PLA2G4A: variants seen among roughly 807,000 people sequenced by gnomAD.
The protein encoded by PLA2G4A is phospholipase A2 group IVA.
In PLA2G4A, 40 loss-of-function variants were observed where a neutral mutation model predicts 81.9. The observed-to-expected ratio is 0.49, with a 90% CI of 0.38 to 0.64. PLA2G4A has a LOEUF of 0.64. Ranked by LOEUF, PLA2G4A falls within the 30% of genes least tolerant of loss-of-function variation. The pLI, the probability that PLA2G4A is intolerant of heterozygous loss-of-function variation, is 0.00. For missense variants in PLA2G4A, 715 were observed against 905.1 expected (o/e 0.79, Z 2.69); for synonymous variants, 302 against 296.9 (o/e 1.02, Z -0.18).
At chr1:186,943,735 A>C (rs1656239459) in intron 10 of PLA2G4A, among the ~76,000 whole-genome samples, 1 of 152,202 alleles carries the variant, frequency 6.6e-6, no homozygotes, top group African/African-American at 2.4e-5. Context: ...TAAAAAAAAC[A>C]ACTAGTCTAG....
chr1:186,904,247 A>G (rs1443878328), intron 5 of PLA2G4A, among the ~76,000 whole-genome samples: 1 of 152,210 alleles, frequency 6.6e-6, no homozygotes, highest in Non-Finnish European at 1.5e-5. Context: ...AAAAAGGTGG[A>G]GTTCTAATTA....
chr1:186,944,733 A>G (rs1022121122), intron 10 of PLA2G4A, among the ~76,000 whole-genome samples: 1 of 152,146 alleles, frequency 6.6e-6, no homozygotes, highest in Admixed American at 6.6e-5. Flanking sequence ...CTTTGGTGAC[A>G]TGTGTTTTAG....
At chr1:186,962,486 T>TTTTTTTTA (rs1553221218) in intron 14 of PLA2G4A, among the ~76,000 whole-genome samples, 4 of 136,674 alleles carry the variant, frequency 2.9e-5, no homozygotes, top group Non-Finnish European at 6.1e-5. Context: ...AGTTATTTTA[T>TTTTTTTTA]TTTATTTATT....
chr1:186,913,762 G>A (rs1655045776), intron 7 of PLA2G4A, among the ~76,000 whole-genome samples: 2 of 152,052 alleles, frequency 1.3e-5, no homozygotes, highest in Admixed American at 1.3e-4. Context: ...TAATTTCTTG[G>A]AATTCATTCT....
At chr1:186,851,548 C>A (rs2102022942) in intron 1 of PLA2G4A, among the ~76,000 whole-genome samples, 1 of 152,010 alleles carries the variant, frequency 6.6e-6, no homozygotes, top group South Asian at 2.1e-4. Flanking sequence ...ATTTAGTTGG[C>A]ACGAAAACAT....
intron 10 of PLA2G4A, among the ~76,000 whole-genome samples, chr1:186,942,373 T>C (rs1656185403): frequency 6.6e-6 from 1 of 152,086 alleles, no homozygotes; most frequent in South Asian, 2.1e-4. Context: ...AATTACATGG[T>C]CAAAAGAACA....
At chr1:186,929,404 A>G (rs1333287374) in intron 7 of PLA2G4A, among the ~76,000 whole-genome samples, 1 of 152,210 alleles carries the variant, frequency 6.6e-6, no homozygotes, top group Non-Finnish European at 1.5e-5. Context: ...CTAATTTCCC[A>G]TTCTTTTTTA....
At chr1:186,948,818 ATG>A (rs1656432672) in intron 12 of PLA2G4A, among the ~76,000 whole-genome samples, 1 of 152,128 alleles carries the variant, frequency 6.6e-6, no homozygotes, top group African/African-American at 2.4e-5. Flanking sequence ...AATATCGTGT[ATG>A]TGTGATCCGC....
At chr1:186,979,837 G>A (rs532235785) in intron 17 of PLA2G4A, among the ~76,000 whole-genome samples, 1 of 150,714 alleles carries the variant, frequency 6.6e-6, no homozygotes, top group Admixed American at 6.6e-5. Flanking sequence ...CAGAAGTGTA[G>A]TTAATCTGCA....
At chr1:186,897,002 G>A (rs969392582) in intron 5 of PLA2G4A, among the ~76,000 whole-genome samples, 3 of 152,130 alleles carry the variant, frequency 2.0e-5, no homozygotes, top group Non-Finnish European at 2.9e-5. Context: ...AGTGTTTACA[G>A]AGGTTGTAAG....
chr1:186,853,840 C>T (rs977012008), intron 1 of PLA2G4A, among the ~76,000 whole-genome samples: 19 of 151,864 alleles, frequency 1.3e-4, no homozygotes, highest in Admixed American at 2.0e-4. Context: ...CATGAATGTA[C>T]TTTTATAATT....
In PLA2G4A at chr1:186,956,320, G is replaced by A. The variant is rs764912115; in HGVS notation, c.1555G>A (p.Asp519Asn). The change falls in exon 14 of 18, where the codon GAT becomes AAT. Residue 519 changes from aspartate (D) to asparagine (N), a missense_variant. Transcript: ENST00000367466. ...DFATQDSFDDDELDAAVADPD... is the reference protein window; with the variant it reads ...DFATQDSFDDNELDAAVADPD... ...TGCCACACAGGACTCCTTTGATGAT[G>A]ATGAACTGGATGCAGCTGTAGCAGG... The A allele has an allele frequency of 6.2e-7, 1 of 1,613,800 alleles. No individual in the cohort carries two copies. Among genetic ancestry groups the A allele is most frequent in the Admixed American group, 1.7e-5 (1 of 60,024 alleles).
Position 186,881,076 on chromosome 1 carries a change from G to A in PLA2G4A, c.115+10560G>A, listed in dbSNP as rs1653713728. Among the ~76,000 whole-genome samples, 4 of 152,016 alleles carry A rather than the reference G, an allele frequency of 2.6e-5. No homozygotes were observed. The South Asian group carries it at 8.3e-4, about 32-fold the overall frequency. Reference sequence around the variant, plus strand: ...AATGTACTAAATCAATTGCTAGTACGAAATGTACCAAGTTGATCATGAGTG... The same window carrying A: ...AATGTACTAAATCAATTGCTAGTACAAAATGTACCAAGTTGATCATGAGTG... On this transcript the variant is annotated intron_variant, in intron 3 of 17. Coordinates refer to ENST00000367466, the MANE Select transcript of PLA2G4A (RefSeq NM_024420.3).
chr1:186,836,820 T>C (rs139225413), intron 1 of PLA2G4A, among the ~76,000 whole-genome samples: 252 of 152,154 alleles, frequency 1.7e-3, no homozygotes, highest in African/African-American at 5.9e-3. Flanking sequence ...AGATAATAAG[T>C]ATACAAACAA....
chr1:186,829,374 G>A (rs1166653819), intron 1 of PLA2G4A, among the ~76,000 whole-genome samples: 10 of 152,170 alleles, frequency 6.6e-5, no homozygotes, highest in Non-Finnish European at 1.2e-4. Flanking sequence ...GACACCCAAT[G>A]GTTACTGATC....
At chr1:186,878,052 C>T (rs1051210605) in intron 3 of PLA2G4A, among the ~76,000 whole-genome samples, 2 of 147,380 alleles carry the variant, frequency 1.4e-5, no homozygotes, top group Non-Finnish European at 3.0e-5. Flanking sequence ...AATGACATTG[C>T]TGTTGGTCTA....
intron 15 of PLA2G4A, among the ~76,000 whole-genome samples, chr1:186,970,616 T>C (rs546158878): frequency 1.3e-5 from 2 of 152,242 alleles, no homozygotes; most frequent in East Asian, 3.9e-4. Flanking sequence ...GTTTCATTTT[T>C]CTGCATGTGG....
intron 5 of PLA2G4A, among the ~76,000 whole-genome samples, chr1:186,902,852 C>A (rs1654594633): frequency 6.7e-6 from 1 of 149,910 alleles, no homozygotes; most frequent in South Asian, 2.1e-4. Context: ...TCCGCCTACA[C>A]CCTAGTGATT....
rs113579350 is a variant in PLA2G4A, at chr1:186,905,025, T to C, written c.379-1940T>C. Among the ~76,000 whole-genome samples the C allele has an allele frequency of 7.6e-3, 1,155 of 152,200 alleles. 13 individuals are homozygous for C. Among genetic ancestry groups the C allele is most frequent in the African/African-American group, 0.027 (1,102 of 41,518 alleles). ...ATGGGCCACCATGCCTGGATAATTT[T>C]TGTATTTTTAGTAGAGATGGGATTT... On this transcript the variant is annotated intron_variant, in intron 5 of 17. Transcript: ENST00000367466.
Sources: gnomAD v4.1 joint callset for allele counts (sites outside exome capture counted in the v4.1 genomes callset) on GRCh38, gnomAD v4.1.1 for gene constraint, MANE v1.5 for transcripts, NCBI Gene and HGNC (gene_info 2026-07-23, HGNC 2026-07-21) for gene names.